Variants in PITPNB observed in about 807,000 individuals in gnomAD.
PITPNB encodes phosphatidylinositol transfer protein beta isoform.
Under a neutral mutation model 45.9 loss-of-function variants are expected in PITPNB, and 16 were observed. That is an observed-to-expected ratio of 0.35 (90% confidence interval 0.24 to 0.53). PITPNB has a LOEUF of 0.53. Among genes scored for constraint, PITPNB ranks in the 20% least tolerant of loss-of-function variants. PITPNB has a pLI of 0.93. For synonymous variants in PITPNB, 112 were observed against 108.9 expected (o/e 1.03, Z -0.18); for missense variants, 188 against 330.5 (o/e 0.57, Z 3.34).
chr22:27,852,923 G>A lies in PITPNB; in HGVS notation c.*779C>T, dbSNP rs1934064878. 1 of 152,474 alleles carries A rather than the reference G, an allele frequency of 6.6e-6. No homozygotes were observed. The highest frequency in any genetic ancestry group is 2.1e-4 in the South Asian group (1 of 4,816). The allele number at this position is 152,474 out of a possible 1,614,324, so 9.4% of individuals were successfully genotyped here. On this transcript the variant is annotated 3_prime_UTR_variant, in exon 12 of 12. Coordinates refer to ENST00000335272, the MANE Select transcript of PITPNB (RefSeq NM_012399.5). ...CTAGGTTTGATGTAGAAAAATATTT[G>A]AAATTTAAAATACAAAAATCCAATA...
intron 7 of PITPNB, among the ~76,000 whole-genome samples, chr22:27,891,801 T>C (rs1251090485): frequency 6.6e-6 from 1 of 152,196 alleles, no homozygotes; most frequent in African/African-American, 2.4e-5. Flanking sequence ...CTTTCCATTA[T>C]AAATTACCCA....
chr22:27,857,970 C>CA (rs1934219706), intron 10 of PITPNB, among the ~76,000 whole-genome samples: 1 of 150,954 alleles, frequency 6.6e-6, no homozygotes, highest in African/African-American at 2.4e-5. Context: ...ACCTTTTCTA[C>CA]AAAAAAAGCG....
chr22:27,862,145 C>T (rs1348680673), intron 8 of PITPNB, among the ~76,000 whole-genome samples: 1 of 152,096 alleles, frequency 6.6e-6, no homozygotes, highest in Non-Finnish European at 1.5e-5. Flanking sequence ...CTTCAACTTA[C>T]CAGCTTCAAC....
chr22:27,918,306 A>T (rs1444520391), intron 1 of PITPNB, among the ~76,000 whole-genome samples: 2 of 152,192 alleles, frequency 1.3e-5, no homozygotes, highest in Non-Finnish European at 2.9e-5. Context: ...TAAAATGAAG[A>T]ATTTGAAAAC....
chr22:27,881,581 T>C (rs1168855139), intron 7 of PITPNB, among the ~76,000 whole-genome samples: 1 of 152,258 alleles, frequency 6.6e-6, no homozygotes, highest in African/African-American at 2.4e-5. Context: ...CGGCTAGGAC[T>C]GGCTGGATCT....
intron 1 of PITPNB, 70 bp downstream of exon 1, chr22:27,919,102 C>T: frequency 6.2e-7 from 1 of 1,612,592 alleles, no homozygotes; most frequent in Non-Finnish European, 8.5e-7. Flanking sequence ...AATATCCTAC[C>T]ACTTCTCCAT....
intron 7 of PITPNB, among the ~76,000 whole-genome samples, chr22:27,880,974 T>C (rs1173960678): frequency 1.3e-5 from 2 of 152,210 alleles, no homozygotes; most frequent in African/African-American, 2.4e-5. Context: ...ATAAGCAATA[T>C]GTTGTTTTCC....
chr22:27,856,648 A>G (rs1934182246), intron 10 of PITPNB, among the ~76,000 whole-genome samples: 1 of 152,218 alleles, frequency 6.6e-6, no homozygotes, highest in Non-Finnish European at 1.5e-5. Context: ...ATAAAAATTA[A>G]AAACTGAGAG....
At chr22:27,871,946 C>T (rs1934673544) in intron 8 of PITPNB, among the ~76,000 whole-genome samples, 2 of 152,182 alleles carry the variant, frequency 1.3e-5, no homozygotes, top group South Asian at 4.2e-4. Context: ...ACTTCCCCTG[C>T]CCCACTTCCA....
chr22:27,889,876 G>A (rs544121502), intron 7 of PITPNB, among the ~76,000 whole-genome samples: 3 of 152,278 alleles, frequency 2.0e-5, no homozygotes, highest in Admixed American at 6.5e-5. Flanking sequence ...TAGAATATTC[G>A]AGTGACAAAA....
At chr22:27,883,133 G>A (rs1027184240) in intron 7 of PITPNB, among the ~76,000 whole-genome samples, 3 of 152,202 alleles carry the variant, frequency 2.0e-5, no homozygotes, top group Non-Finnish European at 4.4e-5. Flanking sequence ...GGTTTCAGGG[G>A]ACTAGGGAAG....
At chr22:27,885,967 T>A (rs1479001628) in intron 7 of PITPNB, among the ~76,000 whole-genome samples, 1 of 152,190 alleles carries the variant, frequency 6.6e-6, no homozygotes, top group African/African-American at 2.4e-5. Context: ...CCAAGAGGCA[T>A]CTAGCTTACT....
At chr22:27,885,252 A>AAAAAAAAG (rs1935089843) in intron 7 of PITPNB, among the ~76,000 whole-genome samples, 1 of 128,734 alleles carries the variant, frequency 7.8e-6, no homozygotes. Context: ...AAAAAAAAAA[A>AAAAAAAAG]GCAGAAGCAG....
intron 8 of PITPNB, among the ~76,000 whole-genome samples, chr22:27,870,027 A>C (rs1934605861): frequency 6.6e-6 from 1 of 152,242 alleles, no homozygotes; most frequent in Non-Finnish European, 1.5e-5. Context: ...CCAATGATGC[A>C]ACAGGGCATA....
At chr22:27,860,038 A>T in intron 9 of PITPNB, 93 bp downstream of exon 9, 2 of 707,326 alleles carry the variant, frequency 2.8e-6, no homozygotes, top group Non-Finnish European at 5.0e-6. Context: ...ATCATAAAGG[A>T]GGAAAAAAAG....
At chr22:27,908,269 T>A (rs1448522699) in intron 3 of PITPNB, among the ~76,000 whole-genome samples, 2 of 139,934 alleles carry the variant, frequency 1.4e-5, no homozygotes, top group Non-Finnish European at 3.1e-5. Context: ...TGGGATTTTT[T>A]AAATCACCCA....
At chr22:27,882,843 C>T (rs917713200) in intron 7 of PITPNB, among the ~76,000 whole-genome samples, 5 of 152,148 alleles carry the variant, frequency 3.3e-5, no homozygotes, top group East Asian at 1.9e-4. Context: ...AGCATGTCCG[C>T]GATTAAGAAA....
chr22:27,885,650 C>T (rs1935102889), intron 7 of PITPNB, among the ~76,000 whole-genome samples: 1 of 152,148 alleles, frequency 6.6e-6, no homozygotes, highest in African/African-American at 2.4e-5. Flanking sequence ...GCTGGAATTG[C>T]AGGCATGAGC....
intron 7 of PITPNB, among the ~76,000 whole-genome samples, chr22:27,893,459 A>G (rs1406851494): frequency 2.0e-5 from 3 of 148,642 alleles, no homozygotes; most frequent in Admixed American, 6.7e-5. Context: ...AATTTTTTGT[A>G]TTTTTAGTAG....
Sources: gnomAD v4.1 joint callset for allele counts (sites outside exome capture counted in the v4.1 genomes callset) on GRCh38, gnomAD v4.1.1 for gene constraint, MANE v1.5 for transcripts, NCBI Gene and HGNC (gene_info 2026-07-23, HGNC 2026-07-21) for gene names.